NCKAP5: variants seen among roughly 807,000 people sequenced by gnomAD.
NCKAP5 encodes the protein NCK associated protein 5, also known as nck-associated protein 5.
A neutral mutation model predicts 167.0 loss-of-function variants in NCKAP5; 92 were observed. That is an observed-to-expected ratio of 0.55 (90% confidence interval 0.47 to 0.66). The LOEUF (loss-of-function observed/expected upper bound fraction) is 0.66. Among genes scored for constraint, NCKAP5 ranks in the 30% least tolerant of loss-of-function variants. The pLI is 0.00. For missense variants in NCKAP5, 2,378 were observed against 2,315.0 expected, an observed-to-expected ratio of 1.03 and a Z score of -0.56; for synonymous variants, 891 against 877.4, an observed-to-expected ratio of 1.02 and a Z score of -0.27.
rs6707894 is a variant in NCKAP5, at chr2:133,189,902, C to T, written c.207+23814G>A. Among the ~76,000 whole-genome samples, 835 of 152,140 alleles carry T rather than the reference C, an allele frequency of 5.5e-3. 11 individuals are homozygous for T. The highest frequency in any genetic ancestry group is 0.019 in the African/African-American group (801 of 41,504). ...CCTCTCTCACCACTCCTATTCAACA[C>T]AGTGTTGGAAGTTCTGGCCAGGGCA... On this transcript the variant is annotated intron_variant, in intron 5 of 19. Transcript: ENST00000409261.
chr2:133,144,016 C>T (rs1054275543), intron 5 of NCKAP5, among the ~76,000 whole-genome samples: 1 of 152,010 alleles, frequency 6.6e-6, no homozygotes, highest in African/African-American at 2.4e-5. Context: ...CTTTCCAGGA[C>T]CTTGTTAGAG....
chr2:133,263,821 A>G (rs983663494), intron 4 of NCKAP5, among the ~76,000 whole-genome samples: 5 of 152,000 alleles, frequency 3.3e-5, no homozygotes, highest in African/African-American at 9.7e-5. Flanking sequence ...GGCTCACATA[A>G]GGCACACAAA....
At chr2:133,040,769 A>C (rs943054789) in intron 6 of NCKAP5, among the ~76,000 whole-genome samples, 1 of 152,206 alleles carries the variant, frequency 6.6e-6, no homozygotes, top group African/African-American at 2.4e-5. Context: ...CAGCAATAAG[A>C]ATGAGTTACT....
chr2:133,435,870 C>T (rs761092899), intron 3 of NCKAP5, among the ~76,000 whole-genome samples: 3 of 152,162 alleles, frequency 2.0e-5, no homozygotes, highest in Admixed American at 6.5e-5. Context: ...TGGTTCCCTG[C>T]TTTTGTGACT....
chr2:132,759,717 T>C (rs115076090), intron 16 of NCKAP5, among the ~76,000 whole-genome samples: 2,973 of 152,230 alleles, frequency 0.02, 42 homozygotes, highest in Middle Eastern at 0.031. Context: ...TTTTCCTGTG[T>C]TGATGTTTAG....
the NCKAP5 span, among the ~76,000 whole-genome samples, chr2:133,613,959 T>C: frequency 1.3e-5 from 2 of 152,180 alleles, no homozygotes; most frequent in African/African-American, 4.8e-5. Flanking sequence ...AAGAATCTTC[T>C]GGGGCATTTG....
intron 7 of NCKAP5, among the ~76,000 whole-genome samples, chr2:132,964,766 T>C (rs2076612019): frequency 6.6e-6 from 1 of 152,106 alleles, no homozygotes; most frequent in Non-Finnish European, 1.5e-5. Flanking sequence ...TTATCAGTGG[T>C]AAAAGACTTC....
At chr2:132,779,661 A>G (rs1558758507) in intron 15 of NCKAP5, among the ~76,000 whole-genome samples, 1 of 149,872 alleles carries the variant, frequency 6.7e-6, no homozygotes. Flanking sequence ...GAGAGTTTGT[A>G]AAAAAGACCT....
intron 3 of NCKAP5, among the ~76,000 whole-genome samples, chr2:133,424,111 G>A (rs893799597): frequency 6.6e-6 from 1 of 152,166 alleles, no homozygotes; most frequent in Admixed American, 6.5e-5. Flanking sequence ...GTCTAAACCT[G>A]CTCTACTGAA....
At chr2:132,795,907 TAAAA>T (rs67838303) in intron 12 of NCKAP5, among the ~76,000 whole-genome samples, 2 of 143,046 alleles carry the variant, frequency 1.4e-5, no homozygotes, top group African/African-American at 5.1e-5. Context: ...ACTCCATACT[TAAAA>T]AAAAAAAACT....
At chr2:132,800,114 C>T (rs1241143546) in intron 11 of NCKAP5, among the ~76,000 whole-genome samples, 1 of 152,094 alleles carries the variant, frequency 6.6e-6, no homozygotes, top group Non-Finnish European at 1.5e-5. Context: ...ATTACCTGTG[C>T]TTCAGTGAAA....
intron 3 of NCKAP5, among the ~76,000 whole-genome samples, chr2:133,468,251 C>G (rs1212185592): frequency 7.1e-6 from 1 of 140,256 alleles, no homozygotes; most frequent in African/African-American, 2.7e-5. Context: ...TTTATTTCTG[C>G]CTTCATTTCG....
intron 8 of NCKAP5, among the ~76,000 whole-genome samples, chr2:132,914,287 T>C (rs575702955): frequency 3.3e-5 from 5 of 151,032 alleles, no homozygotes; most frequent in Admixed American, 6.6e-5. Context: ...TAGAAATGTT[T>C]CTTTTTAAAT....
At chr2:133,374,413 T>C (rs1686002972) in intron 3 of NCKAP5, among the ~76,000 whole-genome samples, 1 of 152,240 alleles carries the variant, frequency 6.6e-6, no homozygotes, top group Admixed American at 6.5e-5. Context: ...ACTGAATATA[T>C]GTCATTATAC....
intron 5 of NCKAP5, among the ~76,000 whole-genome samples, chr2:133,173,976 CT>C (rs66794891): frequency 0.012 from 1,783 of 152,104 alleles, 30 homozygotes; most frequent in African/African-American, 0.041. Context: ...AATACATACG[CT>C]TTTTTTCCCC....
upstream of NCKAP5, among the ~76,000 whole-genome samples, chr2:133,568,795 C>A (rs569020397): frequency 1.3e-5 from 2 of 152,206 alleles, no homozygotes; most frequent in African/African-American, 4.8e-5. Flanking sequence ...CCACCTGTTT[C>A]GAGTCAACTT....
intron 3 of NCKAP5, among the ~76,000 whole-genome samples, chr2:133,471,361 C>T (rs966085504): frequency 7.0e-6 from 1 of 142,974 alleles, no homozygotes; most frequent in Non-Finnish European, 1.5e-5. Context: ...TTAAGTGCCA[C>T]TAGCAACTTG....
chr2:133,510,792 C>A lies in NCKAP5; in HGVS notation c.69+6666G>T, dbSNP rs1267165971. On this transcript the variant is annotated intron_variant, in intron 3 of 19. Transcript: ENST00000409261. The stretch of plus-strand genomic sequence containing the variant: ...GATGCATTGTAGTCTGGGGATAGCC[C>A]CAGACCTAAAGTGAAATCCCAACTC... 2.0e-5 allele frequency among the ~76,000 whole-genome samples: 3 copies of A among 152,146 alleles called. No homozygotes were observed. In the East Asian group the frequency reaches 5.8e-4, roughly 29 times the overall value.
intron 13 of NCKAP5, among the ~76,000 whole-genome samples, chr2:132,786,165 C>T (rs971671234): frequency 1.3e-5 from 2 of 152,006 alleles, no homozygotes; most frequent in African/African-American, 4.8e-5. Flanking sequence ...CATAGGTTTG[C>T]CGTAGGTTAA....
Sources: gnomAD v4.1 joint callset for allele counts (sites outside exome capture counted in the v4.1 genomes callset) on GRCh38, gnomAD v4.1.1 for gene constraint, MANE v1.5 for transcripts, NCBI Gene and HGNC (gene_info 2026-07-23, HGNC 2026-07-21) for gene names.